CAMTA1: variants seen among roughly 807,000 people sequenced by gnomAD.
The protein encoded by CAMTA1 is calmodulin binding transcription activator 1, also known as calmodulin-binding transcription activator 1.
A neutral mutation model predicts 170.9 loss-of-function variants in CAMTA1; 27 were observed. The ratio of observed to expected loss-of-function variants is 0.16; its 90% CI spans 0.12 to 0.22. The LOEUF (loss-of-function observed/expected upper bound fraction) is 0.22, where lower values mean the gene tolerates loss of function less well. Among genes scored for constraint, CAMTA1 ranks in the 10% least tolerant of loss-of-function variants. The probability of loss-of-function intolerance (pLI) is 1.00; values close to 1 mark genes in which losing one functional copy is unlikely to be tolerated. For synonymous variants in CAMTA1, 833 were observed against 891.5 expected (o/e 0.93, Z 1.17); for missense variants, 1,619 against 2,217.2 (o/e 0.73, Z 5.42).
chr1:7,656,864 C>T (rs1330903416), intron 7 of CAMTA1, among the ~76,000 whole-genome samples: 1 of 152,250 alleles, frequency 6.6e-6, no homozygotes, highest in African/African-American at 2.4e-5. Context: ...TTAGTGGAAG[C>T]GCTGCTGCCT....
At chr1:7,416,406 G>A (rs11120916) in intron 5 of CAMTA1, among the ~76,000 whole-genome samples, 5,245 of 152,256 alleles carry the variant, frequency 0.034, 292 homozygotes, top group African/African-American at 0.12. Flanking sequence ...CCAATCAGAC[G>A]TAGATTTGGT....
chr1:7,709,234 G>A (rs536444861), intron 11 of CAMTA1, among the ~76,000 whole-genome samples: 1 of 152,308 alleles, frequency 6.6e-6, no homozygotes, highest in South Asian at 2.1e-4. Flanking sequence ...CACCTAAGCT[G>A]TATCTTCTAC....
chr1:6,897,482 C>A lies in CAMTA1; in HGVS notation c.234+72272C>A, dbSNP rs1199407933. Among the ~76,000 whole-genome samples, 3 of 21,138 alleles carry A rather than the reference C, an allele frequency of 1.4e-4. No homozygotes were observed. The South Asian group carries it at 2.2e-3, about 15-fold the overall frequency. The allele number at this position is 21,138 out of a possible 152,430, so 13.9% of individuals were successfully genotyped here. On this transcript the variant is annotated intron_variant, in intron 3 of 22. Coordinates refer to ENST00000303635, the MANE Select transcript of CAMTA1 (RefSeq NM_015215.4). ...GGAAGCCATTTTTCTCATATATACACCCCCAGATTGTATATCGCTTTTCTG... is the reference window on the plus strand; with the variant it reads ...GGAAGCCATTTTTCTCATATATACAACCCCAGATTGTATATCGCTTTTCTG...
intron 3 of CAMTA1, among the ~76,000 whole-genome samples, chr1:6,990,477 G>A (rs1018708877): frequency 3.9e-5 from 6 of 152,080 alleles, no homozygotes; most frequent in South Asian, 4.2e-4. Context: ...AGTACATGTC[G>A]CCTCTAAATA....
intron 3 of CAMTA1, among the ~76,000 whole-genome samples, chr1:7,029,826 A>C (rs543467210): frequency 6.6e-6 from 1 of 152,344 alleles, no homozygotes; most frequent in Non-Finnish European, 1.5e-5. Context: ...TAATAAACTC[A>C]TTTTATGTTA....
At chr1:7,364,252 G>A (rs1359910323) in intron 5 of CAMTA1, among the ~76,000 whole-genome samples, 1 of 152,150 alleles carries the variant, frequency 6.6e-6, no homozygotes, top group African/African-American at 2.4e-5. Flanking sequence ...GTCCATGCAT[G>A]GTGCCAGAAC....
intron 5 of CAMTA1, among the ~76,000 whole-genome samples, chr1:7,415,112 T>G (rs201526696): frequency 0.42 from 61,421 of 145,632 alleles, 11,251 homozygotes; most frequent in East Asian, 0.63. Context: ...GATTGCACTG[T>G]GGTCTGAGAG....
At chr1:6,990,775 CTCTCTCTCTG>C (rs1377269086) in intron 3 of CAMTA1, among the ~76,000 whole-genome samples, 27 of 133,146 alleles carry the variant, frequency 2.0e-4, no homozygotes, top group African/African-American at 8.1e-4. Flanking sequence ...CATGTACTTT[CTCTCTCTCTG>C]TCTCTCTCTC....
At chr1:7,243,295 C>G (rs890712305) in intron 4 of CAMTA1, among the ~76,000 whole-genome samples, 4 of 152,144 alleles carry the variant, frequency 2.6e-5, no homozygotes, top group African/African-American at 7.2e-5. Context: ...TGATGGGATT[C>G]TCATTGTTAT....
At chr1:7,550,660 C>T (rs958499810) in intron 6 of CAMTA1, among the ~76,000 whole-genome samples, 27 of 151,448 alleles carry the variant, frequency 1.8e-4, no homozygotes, top group African/African-American at 3.6e-4. Flanking sequence ...CTGGCCTCCT[C>T]GCAGCTGGCC....
intron 4 of CAMTA1, among the ~76,000 whole-genome samples, chr1:7,149,878 A>G (rs1646470642): frequency 6.6e-6 from 1 of 152,212 alleles, no homozygotes. Context: ...TATGGCAAAT[A>G]AAACTCCTGA....
intron 4 of CAMTA1, among the ~76,000 whole-genome samples, chr1:7,095,631 G>A (rs1446879351): frequency 2.0e-5 from 3 of 152,180 alleles, no homozygotes; most frequent in Admixed American, 1.3e-4. Context: ...ATTCCTCTCC[G>A]CCTCTCACTG....
rs58181190 is a variant in CAMTA1, at chr1:7,654,655, TAC to T, written c.665-7062_665-7061del. 3.5e-3 allele frequency among the ~76,000 whole-genome samples: 494 copies of T among 141,650 alleles called. 4 individuals carry two copies. Among genetic ancestry groups the T allele is most frequent in the African/African-American group, 0.013 (477 of 37,408 alleles). The allele number at this position is 141,650 out of a possible 152,430, so 92.9% of individuals were successfully genotyped here. A position where few individuals can be genotyped will look rare whatever the true frequency, so the allele number is the denominator to read the frequency against. On this transcript the variant is annotated intron_variant, in intron 7 of 22. Transcript: ENST00000303635. ...CTATACACACACAAGCACACACCTA[TAC>T]ACACACACCTATACACACACTCCAT...
chr1:7,625,867 A>G (rs189389892), intron 6 of CAMTA1, among the ~76,000 whole-genome samples: 20 of 152,334 alleles, frequency 1.3e-4, no homozygotes, highest in African/African-American at 4.1e-4. Flanking sequence ...TGCCTATGTC[A>G]TTAGTATAGC....
chr1:6,786,527 C>T (rs776245693), intron 1 of CAMTA1, among the ~76,000 whole-genome samples: 8 of 152,196 alleles, frequency 5.3e-5, no homozygotes, highest in Non-Finnish European at 7.3e-5. Flanking sequence ...GGGACTCAGG[C>T]TGCCCATGTT....
chr1:7,303,654 A>G (rs1414770856), intron 5 of CAMTA1, among the ~76,000 whole-genome samples: 1 of 152,180 alleles, frequency 6.6e-6, no homozygotes, highest in Admixed American at 6.5e-5. Flanking sequence ...CCTTGTTGAC[A>G]CAGTCTAGAG....
intron 16 of CAMTA1, among the ~76,000 whole-genome samples, chr1:7,740,103 TTGGTGGGGACACAGCCAAA>T (rs2096800920): frequency 2.0e-5 from 3 of 152,230 alleles, no homozygotes; most frequent in Admixed American, 2.0e-4. Flanking sequence ...ACATGAGATT[TTGGTGGGGACACAGCCAAA>T]CCATATCACC....
chr1:6,792,785 G>A (rs1337442690), intron 1 of CAMTA1, among the ~76,000 whole-genome samples: 1 of 152,016 alleles, frequency 6.6e-6, no homozygotes, highest in African/African-American at 2.4e-5. Flanking sequence ...TTCAAGTCAC[G>A]TAACATATCC....
At chr1:7,613,217 C>T (rs1026978625) in intron 6 of CAMTA1, among the ~76,000 whole-genome samples, 5 of 152,226 alleles carry the variant, frequency 3.3e-5, no homozygotes, top group African/African-American at 7.2e-5. Flanking sequence ...GTTGGCAAGT[C>T]GCCTTGGAAC....
Sources: gnomAD v4.1 joint callset for allele counts (sites outside exome capture counted in the v4.1 genomes callset) on GRCh38, gnomAD v4.1.1 for gene constraint, MANE v1.5 for transcripts, NCBI Gene and HGNC (gene_info 2026-07-23, HGNC 2026-07-21) for gene names.